Variants in TARBP1 observed in about 807,000 individuals in gnomAD.
The protein encoded by TARBP1 is tRNA guanosine 2 -O-methyltransferase TARBP1.
Under a neutral mutation model 178.6 loss-of-function variants are expected in TARBP1, and 144 were observed. That is an observed-to-expected ratio of 0.81 (90% CI 0.70 to 0.93). The LOEUF (loss-of-function observed/expected upper bound fraction) is 0.93. TARBP1 is among the 40% of genes least tolerant of loss of function. The probability of loss-of-function intolerance (pLI) is 0.00; values close to 1 mark genes in which losing one functional copy is unlikely to be tolerated. For synonymous variants in TARBP1, 787 were observed against 781.0 expected (o/e 1.01, Z -0.13); for missense variants, 2,067 against 2,011.7 (o/e 1.03, Z -0.53).
rs931353046 is a variant in TARBP1 at position 234,457,717 on chromosome 1, A to T, written c.1672T>A (p.Ser558Thr). Reference protein sequence around the residue: ...SLSDVSTFLMSLRQEESLGRG... With the variant: ...SLSDVSTFLMTLRQEESLGRG... ...CCTAAGGATTCCTCTTGTCTCAGAG[A>T]CATGAGAAAAGTTGAGACATCAGAA... Residue 558 changes from serine (S) to threonine (T), a missense_variant, in exon 9 of 30, where the codon TCT becomes ACT. Coordinates refer to ENST00000040877, the MANE Select transcript of TARBP1 (RefSeq NM_005646.4). 3 of 1,610,468 alleles carry T rather than the reference A, an allele frequency of 1.9e-6. No homozygotes were observed. In the Admixed American group the frequency reaches 5.0e-5, roughly 27 times the overall value.
chr1:234,461,999 T>C lies in TARBP1; in HGVS notation c.1400-1603A>G, dbSNP rs567772440. On this transcript the variant is annotated intron_variant, in intron 6 of 29. Coordinates refer to ENST00000040877, the MANE Select transcript of TARBP1 (RefSeq NM_005646.4). Reference sequence around the variant, plus strand: ...AAAGACATTCAGAACACCCAGAAGATATTCACTGGAAACTGGTGACTGAAA... The same window carrying C: ...AAAGACATTCAGAACACCCAGAAGACATTCACTGGAAACTGGTGACTGAAA... 2.6e-5 allele frequency among the ~76,000 whole-genome samples: 4 copies of C among 152,368 alleles called. No homozygotes were observed. The South Asian group carries it at 8.3e-4, about 32-fold the overall frequency.
chr1:234,478,109 G>A, intron 1 of TARBP1, 64 bp downstream of exon 1: 1 of 1,519,026 alleles, frequency 6.6e-7, no homozygotes, highest in Non-Finnish European at 9.0e-7. Context: ...TTTAGAAGCA[G>A]GAAGACTCCC....
At chr1:234,464,069 T>G (rs1668183455) in intron 5 of TARBP1, 135 bp from the exon 6 acceptor site, 1 of 464,230 alleles carries the variant, frequency 2.2e-6, no homozygotes, top group Non-Finnish European at 3.8e-6. Context: ...TTTCTGAACC[T>G]GCATTTCATT....
At chr1:234,414,806 A>T (rs904529976) in intron 22 of TARBP1, among the ~76,000 whole-genome samples, 3 of 152,094 alleles carry the variant, frequency 2.0e-5, no homozygotes, top group African/African-American at 7.2e-5. Context: ...CCAACATGGT[A>T]AAACCCATCT....
At chr1:234,393,886 CTATA>C in intron 26 of TARBP1, 49 bp from the exon 27 acceptor site, 1 of 1,397,388 alleles carries the variant, frequency 7.2e-7, no homozygotes, top group Non-Finnish European at 9.9e-7. Context: ...ATCTGAATCT[CTATA>C]TATTTATGTA....
chr1:234,402,587 T>TTTG (rs1558150993), intron 24 of TARBP1, among the ~76,000 whole-genome samples: 1 of 151,798 alleles, frequency 6.6e-6, no homozygotes. Context: ...TTGTTTGTTT[T>TTTG]TTTTTTGAGA....
At chr1:234,419,167 C>T (rs368412516) in intron 21 of TARBP1, among the ~76,000 whole-genome samples, 61 of 150,088 alleles carry the variant, frequency 4.1e-4, no homozygotes, top group Admixed American at 1.9e-3. Context: ...AGCAAGACTC[C>T]GTCTCAAAAA....
At chr1:234,433,645 A>G in intron 13 of TARBP1, 74 bp from the exon 14 acceptor site, 2 of 1,434,846 alleles carry the variant, frequency 1.4e-6, no homozygotes, top group Non-Finnish European at 1.9e-6. Flanking sequence ...GCCTTCAGGC[A>G]GGAGAAGTTT....
chr1:234,410,471 T>A lies in TARBP1; in HGVS notation c.3766A>T (p.Ile1256Phe). ...TFLAVLSHLD[I>F]ITQNIPEKKL... Reference sequence around the variant, plus strand: ...TTTTCTGGAATATTTTGAGTAATAATGTCTAAATGTGATAAAACTGCTAAA... The same window carrying A: ...TTTTCTGGAATATTTTGAGTAATAAAGTCTAAATGTGATAAAACTGCTAAA... Residue 1256 changes from isoleucine to phenylalanine, a missense_variant, in exon 23 of 30, where the codon ATT (isoleucine) becomes TTT (phenylalanine). By Grantham distance (21) the Ile-to-Phe change is conservative (BLOSUM62 0). Coordinates refer to ENST00000040877, the MANE Select transcript of TARBP1 (RefSeq NM_005646.4). 6.6e-7 allele frequency: 1 copy of A among 1,510,372 alleles called. No homozygotes were observed. The highest frequency in any genetic ancestry group is 9.1e-7 in the Non-Finnish European group (1 of 1,102,712). The allele number at this position is 1,510,372 out of a possible 1,614,324, so 93.6% of individuals were successfully genotyped here.
chr1:234,425,499 C>T (rs752883449), intron 20 of TARBP1, among the ~76,000 whole-genome samples, 174 bp downstream of exon 20: 2 of 152,080 alleles, frequency 1.3e-5, no homozygotes, highest in Non-Finnish European at 2.9e-5. Flanking sequence ...GGATTACAGG[C>T]GTGAGCCACA....
intron 12 of TARBP1, 87 bp downstream of exon 12, chr1:234,446,716 T>C: frequency 9.3e-7 from 1 of 1,070,882 alleles, no homozygotes; most frequent in Non-Finnish European, 1.2e-6. Flanking sequence ...TTTCTCTTTG[T>C]TTTAAAAAGA....
chr1:234,463,860 G>A lies in TARBP1; in HGVS notation c.1376C>T (p.Ser459Phe), dbSNP rs1291811830. The A allele has an allele frequency of 1.3e-6, 2 of 1,588,732 alleles. No homozygotes were observed. The highest frequency in any genetic ancestry group is 1.4e-5 in the African/African-American group (1 of 73,756). ...ACTCTTTATTTCTTCTGGAAGAAGAGAAATATAAGTGACTAAAAACTTCTG... is the reference window on the plus strand; with the variant it reads ...ACTCTTTATTTCTTCTGGAAGAAGAAAAATATAAGTGACTAAAAACTTCTG... ...KLQKFLVTYISLLPEEIKSSF... is the reference protein window; with the variant it reads ...KLQKFLVTYIFLLPEEIKSSF... Residue 459 changes from serine (S) to phenylalanine (F), a missense_variant, in exon 6 of 30, where the codon TCT becomes TTT. Physicochemically the swap from Ser to Phe is radical, Grantham distance 155. Transcript: ENST00000040877.
chr1:234,433,644 C>G, intron 13 of TARBP1, 73 bp from the exon 14 acceptor site: 1 of 1,438,652 alleles, frequency 7.0e-7, no homozygotes, highest in Non-Finnish European at 9.4e-7. Flanking sequence ...AGCCTTCAGG[C>G]AGGAGAAGTT....
At chr1:234,408,036 T>C (rs1238395799) in intron 23 of TARBP1, 2 of 152,172 alleles carry the variant, frequency 1.3e-5, no homozygotes, top group Non-Finnish European at 2.9e-5. Flanking sequence ...CACTCAAAAA[T>C]GTTGGCACTG....
chr1:234,406,253 G>T, intron 23 of TARBP1, 154 bp from the exon 24 acceptor site: 1 of 644,734 alleles, frequency 1.6e-6, no homozygotes, highest in Non-Finnish European at 2.7e-6. Flanking sequence ...CTTCCCTCCT[G>T]GTCAAATGCG....
chr1:234,425,369 T>C (rs551139990), intron 20 of TARBP1, among the ~76,000 whole-genome samples: 2 of 152,322 alleles, frequency 1.3e-5, no homozygotes, highest in South Asian at 2.1e-4. Context: ...GGACAATTAC[T>C]AACCAAGATT....
intron 4 of TARBP1, among the ~76,000 whole-genome samples, 168 bp downstream of exon 4, chr1:234,467,334 T>G (rs970709372): frequency 2.0e-5 from 3 of 152,234 alleles, no homozygotes; most frequent in African/African-American, 7.2e-5. Flanking sequence ...CCGTTGGGCT[T>G]GTTGAGAAAC....
intron 26 of TARBP1, among the ~76,000 whole-genome samples, chr1:234,396,292 A>G (rs1352129416): frequency 1.3e-5 from 2 of 152,104 alleles, no homozygotes; most frequent in Non-Finnish European, 2.9e-5. Context: ...GCTCTACCCA[A>G]CCGCACTGGG....
intron 20 of TARBP1, among the ~76,000 whole-genome samples, chr1:234,421,798 C>G (rs1395239586): frequency 6.6e-6 from 1 of 152,224 alleles, no homozygotes; most frequent in Admixed American, 6.5e-5. Context: ...AAGAGTATGT[C>G]AACATTCTCA....
Sources: allele counts gnomAD v4.1 joint callset (sites outside exome capture counted in the v4.1 genomes callset), GRCh38; gene constraint gnomAD v4.1.1; transcripts MANE v1.5; gene names NCBI Gene and HGNC (gene_info 2026-07-23, HGNC 2026-07-21).